WWP2: variants seen among roughly 807,000 people sequenced by gnomAD.
WWP2 encodes the protein WW domain containing E3 ubiquitin protein ligase 2.
Under a neutral mutation model 121.0 loss-of-function variants are expected in WWP2, and 57 were observed. That is an observed-to-expected ratio of 0.47 (90% CI 0.38 to 0.59). The LOEUF (loss-of-function observed/expected upper bound fraction) is 0.59, where lower values mean the gene tolerates loss of function less well. Ranked by LOEUF, WWP2 falls within the 20% of genes least tolerant of loss-of-function variation. WWP2 has a pLI of 0.00. For missense variants in WWP2, 962 were observed against 1,158.9 expected (o/e 0.83, Z 2.47); for synonymous variants, 449 against 441.3 (o/e 1.02, Z -0.22).
chr16:69,838,228 A>G (rs2056910547), intron 4 of WWP2, among the ~76,000 whole-genome samples: 3 of 152,092 alleles, frequency 2.0e-5, no homozygotes, highest in Admixed American at 6.6e-5. Flanking sequence ...AGTCCTCTGA[A>G]AAAGGTGCCA....
intron 1 of WWP2, among the ~76,000 whole-genome samples, chr16:69,777,756 A>G (rs1042513196): frequency 7.9e-5 from 12 of 151,436 alleles, no homozygotes; most frequent in African/African-American, 2.7e-4. Flanking sequence ...TATTTATATT[A>G]TATATAAATA....
chr16:69,844,233 A>G (rs1313901522), intron 6 of WWP2, among the ~76,000 whole-genome samples: 1 of 152,198 alleles, frequency 6.6e-6, no homozygotes, highest in Admixed American at 6.5e-5. Flanking sequence ...GATGAATGAC[A>G]GTGTAACTGG....
At chr16:69,861,097 C>T (rs890212810) in intron 6 of WWP2, among the ~76,000 whole-genome samples, 1 of 152,190 alleles carries the variant, frequency 6.6e-6, no homozygotes, top group Non-Finnish European at 1.5e-5. Flanking sequence ...GATGGGGATG[C>T]TCATCTCCTA....
chr16:69,863,127 T>G (rs1394494399), intron 6 of WWP2, among the ~76,000 whole-genome samples: 1 of 152,232 alleles, frequency 6.6e-6, no homozygotes, highest in African/African-American at 2.4e-5. Flanking sequence ...GAATTTTGCC[T>G]GAATCACATT....
At chr16:69,891,808 C>A (rs1218776035) in intron 8 of WWP2, among the ~76,000 whole-genome samples, 1 of 152,182 alleles carries the variant, frequency 6.6e-6, no homozygotes, top group Non-Finnish European at 1.5e-5. Context: ...CCATCCCATC[C>A]GGGCTAGAAC....
intron 13 of WWP2, 81 bp downstream of exon 13, chr16:69,930,339 T>C: frequency 6.3e-7 from 1 of 1,577,148 alleles, no homozygotes; most frequent in East Asian, 2.3e-5. Context: ...AGGCCCACTT[T>C]GGGTGGCCCC....
intron 8 of WWP2, 98 bp downstream of exon 8, chr16:69,888,347 T>C (rs527736319): frequency 1.5e-6 from 2 of 1,300,630 alleles, no homozygotes; most frequent in African/African-American, 3.0e-5. Context: ...ACCTAGTGGC[T>C]AGTAGCCTCT....
At chr16:69,934,223 C>A in intron 17 of WWP2, 94 bp downstream of exon 17, 1 of 1,490,226 alleles carries the variant, frequency 6.7e-7, no homozygotes. Flanking sequence ...GGGGAATCTG[C>A]TCTTTCTCTG....
intron 5 of WWP2, 81 bp downstream of exon 5, chr16:69,840,344 T>G: frequency 1.3e-6 from 2 of 1,583,712 alleles, no homozygotes; most frequent in Non-Finnish European, 1.7e-6. Context: ...AGAGCTTGGT[T>G]CTTACTAGGC....
chr16:69,936,474 C>A (rs1446281476), intron 19 of WWP2, 22 bp downstream of exon 19: 2 of 1,613,330 alleles, frequency 1.2e-6, no homozygotes, highest in Non-Finnish European at 1.7e-6. Flanking sequence ...GCGCCGGGGG[C>A]TCCGCTCCAG....
In WWP2 at chr16:69,763,924, A is replaced by T. The variant is rs1010051610; in HGVS notation, c.-16+1533A>T. Among the ~76,000 whole-genome samples, 6 of 152,238 alleles carry T rather than the reference A, an allele frequency of 3.9e-5. No individual in the cohort carries two copies. In the East Asian group the frequency reaches 1.2e-3, roughly 29 times the overall value. ...TTGTGATTATCTGTGTCATTGGTCCATATGAAAACAGGCTCGAGAGAAAGG... is the reference window on the plus strand; with the variant it reads ...TTGTGATTATCTGTGTCATTGGTCCTTATGAAAACAGGCTCGAGAGAAAGG... On this transcript the variant is annotated intron_variant, in intron 1 of 23. Coordinates refer to ENST00000359154, the MANE Select transcript of WWP2 (RefSeq NM_001270454.2).
In WWP2 at chr16:69,842,051, G is replaced by C; in HGVS notation, c.506G>C (p.Ser169Thr). ...DGSQLPSRDS[S>T]GTAVAPENRH... The stretch of plus-strand genomic sequence containing the variant: ...TCACAGCTGCCTTCGAGAGACTCCA[G>C]TGGAACAGCAGTAGCTCCAGAGAAC... The change falls in exon 6 of 24, where the codon AGT (serine) becomes ACT (threonine). Residue 169 changes from serine to threonine, a missense_variant. This residue lies in a region of WWP2 where 211 missense variants were observed against 196.5 expected (regional missense o/e 1.07). Transcript: ENST00000359154. 6.2e-7 allele frequency: 1 copy of C among 1,613,466 alleles called. No individual in the cohort carries two copies. Among genetic ancestry groups the C allele is most frequent in the Non-Finnish European group, 8.5e-7 (1 of 1,179,786 alleles).
chr16:69,908,012 G>C (rs1195796460), intron 8 of WWP2, among the ~76,000 whole-genome samples: 1 of 152,176 alleles, frequency 6.6e-6, no homozygotes, highest in African/African-American at 2.4e-5. Flanking sequence ...AGGCCAAGGT[G>C]GGTGGGTCGC....
intron 9 of WWP2, chr16:69,909,747 T>A: frequency 4.3e-6 from 4 of 938,028 alleles, no homozygotes; most frequent in South Asian, 4.9e-5. Context: ...AGTGTTTTGT[T>A]ATGAAAATTA....
intron 4 of WWP2, among the ~76,000 whole-genome samples, chr16:69,814,546 G>T (rs990007718): frequency 2.6e-5 from 4 of 152,326 alleles, no homozygotes; most frequent in Admixed American, 2.6e-4. Context: ...AGTTGATTTT[G>T]AAAAGCTCCG....
At chr16:69,819,484 G>A (rs1425095035) in intron 4 of WWP2, among the ~76,000 whole-genome samples, 2 of 152,160 alleles carry the variant, frequency 1.3e-5, no homozygotes, top group Non-Finnish European at 2.9e-5. Context: ...CCTTGGCACT[G>A]GCCTTAAATC....
At chr16:69,813,441 C>T (rs546154217) in intron 4 of WWP2, among the ~76,000 whole-genome samples, 8 of 151,998 alleles carry the variant, frequency 5.3e-5, no homozygotes, top group Non-Finnish European at 8.8e-5. Context: ...GGATTACAGG[C>T]GTGAGCCACT....
In WWP2 at chr16:69,937,782, G is replaced by T. The variant is rs1055522386; in HGVS notation, c.2343+130G>T. Reference sequence around the variant, plus strand: ...CCTTGCCTCCCACACCTTGCAAAAGGAGACGATAGACCAGCCTTGGGATGA... The same window carrying T: ...CCTTGCCTCCCACACCTTGCAAAAGTAGACGATAGACCAGCCTTGGGATGA... On this transcript the variant is annotated intron_variant, in intron 21 of 23. Coordinates refer to ENST00000359154, the MANE Select transcript of WWP2 (RefSeq NM_001270454.2). The surrounding 1 kb of genome is among the most constrained non-coding windows in gnomAD (Gnocchi z 6.6). 2.5e-6 allele frequency: 2 copies of T among 802,448 alleles called. No homozygotes were observed. The highest frequency in any genetic ancestry group is 1.7e-5 in the African/African-American group (1 of 57,690). 49.7% of individuals were successfully genotyped at this position (802,448 alleles called of 1,614,324 possible).
intron 4 of WWP2, among the ~76,000 whole-genome samples, chr16:69,818,761 G>A (rs959699792): frequency 2.6e-5 from 4 of 152,002 alleles, no homozygotes; most frequent in African/African-American, 9.7e-5. Context: ...TCCCTTGCTC[G>A]TTTTTCTCTT....
Sources: gnomAD v4.1 joint callset for allele counts (sites outside exome capture counted in the v4.1 genomes callset) on GRCh38, gnomAD v4.1.1 for gene constraint, gnomAD v4.1.1 regional missense constraint, Gnocchi (gnomAD v3.1) non-coding constraint, MANE v1.5 for transcripts, NCBI Gene and HGNC (gene_info 2026-07-23, HGNC 2026-07-21) for gene names.